Variants in CNTN3 observed in about 807,000 individuals in gnomAD.
CNTN3 encodes the protein contactin-3.
A neutral mutation model predicts 119.1 loss-of-function variants in CNTN3; 60 were observed. That is an observed-to-expected ratio of 0.50 (90% confidence interval 0.41 to 0.62). The LOEUF (loss-of-function observed/expected upper bound fraction) is 0.62. Among genes scored for constraint, CNTN3 ranks in the 20% least tolerant of loss-of-function variants. The pLI is 0.00. For synonymous variants in CNTN3, 450 were observed against 438.7 expected, an observed-to-expected ratio of 1.03 and a Z score of -0.32; for missense variants, 1,101 against 1,242.4, an observed-to-expected ratio of 0.89 and a Z score of 1.71.
chr3:74,502,957 G>A (rs1216713780), intron 2 of CNTN3, among the ~76,000 whole-genome samples: 1 of 152,118 alleles, frequency 6.6e-6, no homozygotes, highest in Non-Finnish European at 1.5e-5. Context: ...TTCAATATCT[G>A]TCTGTAGAAT....
In CNTN3 at chr3:74,499,354, C is replaced by A. The variant is rs1703121083; in HGVS notation, c.182+305G>T. Among the ~76,000 whole-genome samples the A allele has an allele frequency of 1.3e-5, 2 of 151,804 alleles. 1 individual carries two copies. Among genetic ancestry groups the A allele is most frequent in the African/African-American group, 4.8e-5 (2 of 41,384 alleles). ...TTAACTTTAAAACACAATTTCATCC[C>A]CACAATGAATGTGTTCTTGACAAGT... On this transcript the variant is annotated intron_variant, in intron 3 of 22. Coordinates refer to ENST00000263665, the MANE Select transcript of CNTN3 (RefSeq NM_020872.3).
chr3:74,338,462 G>A (rs1304412136), intron 11 of CNTN3, among the ~76,000 whole-genome samples: 6 of 147,466 alleles, frequency 4.1e-5, no homozygotes, highest in East Asian at 4.0e-4. Flanking sequence ...GCACATATGT[G>A]TATACACATA....
chr3:74,500,174 A>G lies in CNTN3; in HGVS notation c.56-389T>C, dbSNP rs563935214. Among the ~76,000 whole-genome samples, 3 of 152,176 alleles carry G rather than the reference A, an allele frequency of 2.0e-5. No homozygotes were observed. The East Asian group carries it at 5.8e-4, about 29-fold the overall frequency. ...GAATTCAACACCTGAGTATTTTCATAAAATCGGCTTGGCATGCAAACCTTA... is the reference window on the plus strand; with the variant it reads ...GAATTCAACACCTGAGTATTTTCATGAAATCGGCTTGGCATGCAAACCTTA... On this transcript the variant is annotated intron_variant, in intron 2 of 22. Transcript: ENST00000263665.
chr3:74,363,658 C>T (rs905447049), intron 10 of CNTN3, among the ~76,000 whole-genome samples: 3 of 152,096 alleles, frequency 2.0e-5, no homozygotes, highest in Non-Finnish European at 2.9e-5. Flanking sequence ...TTAAGACAGC[C>T]GTCTTTCTTC....
In CNTN3 at chr3:74,516,613, A is replaced by C. The variant is rs534682050; in HGVS notation, c.55+4445T>G. On this transcript the variant is annotated intron_variant, in intron 2 of 22. Transcript: ENST00000263665. Reference sequence around the variant, plus strand: ...ACAGTTAAGTTTTGGGGGAGTTAAAAGTTATACATAGATTTTCATACTTGG... The same window carrying C: ...ACAGTTAAGTTTTGGGGGAGTTAAACGTTATACATAGATTTTCATACTTGG... 9.3e-5 allele frequency among the ~76,000 whole-genome samples: 14 copies of C among 150,806 alleles called. No homozygotes were observed. In the South Asian group the frequency reaches 2.9e-3, roughly 31 times the overall value.
Position 74,362,003 on chromosome 3 carries a change from C to T in CNTN3, c.1251G>A (p.Lys417=), listed in dbSNP as rs547587050. Reference sequence around the variant, plus strand: ...GGCTGCCCACCTGCACCTGAACCAACTTCTTCATTGGATTCTTTGAAAAAT... The same window carrying T: ...GGCTGCCCACCTGCACCTGAACCAATTTCTTCATTGGATTCTTTGAAAAAT... ...APDFSKNPMK[K]LVQVQVGSLV... Residue 417 remains lysine, a synonymous_variant, in exon 11 of 23, where the codon AAG becomes AAA. Transcript: ENST00000263665. 13 of 1,613,650 alleles carry T rather than the reference C, an allele frequency of 8.1e-6. No homozygotes were observed. The highest frequency in any genetic ancestry group is 1.7e-4 in the Middle Eastern group (1 of 6,054).
At chr3:74,341,670 T>G (rs1703550882) in intron 11 of CNTN3, among the ~76,000 whole-genome samples, 1 of 152,138 alleles carries the variant, frequency 6.6e-6, no homozygotes, top group Non-Finnish European at 1.5e-5. Flanking sequence ...ATGGCTCATG[T>G]TGTAATTATA....
chr3:74,385,920 T>C (rs1470961042), intron 5 of CNTN3, among the ~76,000 whole-genome samples: 6 of 152,216 alleles, frequency 3.9e-5, no homozygotes, highest in African/African-American at 1.4e-4. Flanking sequence ...TGAAAACCAA[T>C]AAAAGCAGCT....
At chr3:74,332,078 T>C (rs1703277769) in intron 13 of CNTN3, among the ~76,000 whole-genome samples, 1 of 152,236 alleles carries the variant, frequency 6.6e-6, no homozygotes, top group African/African-American at 2.4e-5. Flanking sequence ...AACATAGTTC[T>C]TACTATCCAC....
At chr3:74,397,401 C>T (rs1012767960) in intron 5 of CNTN3, among the ~76,000 whole-genome samples, 3 of 151,946 alleles carry the variant, frequency 2.0e-5, no homozygotes, top group Non-Finnish European at 4.4e-5. Context: ...TTCTGCAGCC[C>T]GTGTTACTAC....
rs149226460 is a variant in CNTN3, at chr3:74,469,658, C to T, written c.358+16798G>A. On this transcript the variant is annotated intron_variant, in intron 4 of 22. Coordinates refer to ENST00000263665, the MANE Select transcript of CNTN3 (RefSeq NM_020872.3). Reference sequence around the variant, plus strand: ...TGAAAACCACAATACGATACCCCTTCGTACCCACTAGGATGGTTATAATAA... The same window carrying T: ...TGAAAACCACAATACGATACCCCTTTGTACCCACTAGGATGGTTATAATAA... Among the ~76,000 whole-genome samples, 22 of 152,294 alleles carry T rather than the reference C, an allele frequency of 1.4e-4. No homozygotes were observed. In the East Asian group the frequency reaches 2.1e-3, roughly 15 times the overall value.
In CNTN3 at chr3:74,473,051, T is replaced by C. The variant is rs538252851; in HGVS notation, c.358+13405A>G. 1.5e-4 allele frequency among the ~76,000 whole-genome samples: 22 copies of C among 151,606 alleles called. No individual in the cohort carries two copies. In the East Asian group the frequency reaches 4.1e-3, roughly 28 times the overall value. ...TGTCTAAATGTGCTTCTAAATATTA[T>C]AATCTATAATAATTAAAAAATTAAA... is the stretch of plus-strand genomic sequence containing the variant. On this transcript the variant is annotated intron_variant, in intron 4 of 22. Transcript: ENST00000263665.
At chr3:74,319,202 C>T (rs903157197) in intron 13 of CNTN3, among the ~76,000 whole-genome samples, 8 of 152,204 alleles carry the variant, frequency 5.3e-5, no homozygotes, top group East Asian at 3.9e-4. Flanking sequence ...GAGCCGGCGT[C>T]GCCAAGTCAA....
chr3:74,276,523 C>T (rs1474562549), intron 20 of CNTN3, among the ~76,000 whole-genome samples: 2 of 152,084 alleles, frequency 1.3e-5, no homozygotes, highest in East Asian at 3.8e-4. Context: ...AAGTAACCTG[C>T]TCCTGAGTGA....
chr3:74,433,688 C>T (rs144154252), intron 4 of CNTN3, among the ~76,000 whole-genome samples: 5 of 152,102 alleles, frequency 3.3e-5, no homozygotes, highest in Non-Finnish European at 7.4e-5. Context: ...ATACACTAAG[C>T]AACAACAAAC....
rs532644396 is a variant in CNTN3 at position 74,544,783 on chromosome 3, A to T, written c.-80-23591T>A. Among the ~76,000 whole-genome samples the T allele has an allele frequency of 7.1e-3, 1,075 of 152,214 alleles. 7 individuals are homozygous for T. The highest frequency in any genetic ancestry group is 8.7e-3 in the Non-Finnish European group (589 of 68,000). The stretch of plus-strand genomic sequence containing the variant: ...CTGGCAATTTTTTTGTATTTTTAGT[A>T]GAGACAGGGTTTCACCATGTTAGCC... On this transcript the variant is annotated intron_variant, in intron 1 of 22. Transcript: ENST00000263665.
intron 8 of CNTN3, among the ~76,000 whole-genome samples, chr3:74,368,132 C>A (rs1413429884): frequency 1.3e-5 from 2 of 152,068 alleles, no homozygotes; most frequent in Non-Finnish European, 2.9e-5. Context: ...CCAAACAATG[C>A]CTCCATTTTG....
At chr3:74,547,023 A>G (rs1412454245) in intron 1 of CNTN3, among the ~76,000 whole-genome samples, 1 of 152,176 alleles carries the variant, frequency 6.6e-6, no homozygotes, top group Non-Finnish European at 1.5e-5. Flanking sequence ...GTCTATACAC[A>G]TCGCGCTGTC....
intron 2 of CNTN3, among the ~76,000 whole-genome samples, chr3:74,508,384 T>C (rs529115143): frequency 2.0e-5 from 3 of 152,282 alleles, no homozygotes; most frequent in South Asian, 4.1e-4. Context: ...AATAGCAGTA[T>C]GAAAATGGAC....
Sources: allele counts gnomAD v4.1 joint callset (sites outside exome capture counted in the v4.1 genomes callset), GRCh38; gene constraint gnomAD v4.1.1; transcripts MANE v1.5; gene names NCBI Gene and HGNC (gene_info 2026-07-23, HGNC 2026-07-21).